The following MAP3K19 variants were observed in gnomAD, a reference collection of about 807,000 sequenced individuals.
MAP3K19 encodes the protein SPS1/STE20-related protein kinase YSK4.
MAP3K19 carries 91 observed loss-of-function variants against 114.4 expected under a neutral mutation model. The ratio of observed to expected loss-of-function variants is 0.80; its 90% CI spans 0.67 to 0.95. MAP3K19 has a LOEUF of 0.95. Among genes scored for constraint, MAP3K19 ranks in the 40% least tolerant of loss-of-function variants. The probability of loss-of-function intolerance (pLI) is 0.00; values close to 1 mark genes in which losing one functional copy is unlikely to be tolerated. For missense variants in MAP3K19, 1,471 were observed against 1,573.2 expected (o/e 0.94, Z 1.10); for synonymous variants, 518 against 530.5 (o/e 0.98, Z 0.32).
chr2:135,044,846 A>T (rs1193120453), intron 1 of MAP3K19, among the ~76,000 whole-genome samples: 1 of 152,218 alleles, frequency 6.6e-6, no homozygotes, highest in African/African-American at 2.4e-5. Flanking sequence ...GTATATCCTT[A>T]TAAGGCATGT....
intron 5 of MAP3K19, among the ~76,000 whole-genome samples, chr2:135,010,507 A>G (rs1687145274): frequency 6.6e-6 from 1 of 152,246 alleles, no homozygotes; most frequent in Non-Finnish European, 1.5e-5. Flanking sequence ...ACCATTGACA[A>G]CACCACGGGA....
At chr2:135,009,118 A>ATTTTTTTTT (rs59038927) in intron 5 of MAP3K19, among the ~76,000 whole-genome samples, 1 of 136,714 alleles carries the variant, frequency 7.3e-6, no homozygotes, top group Non-Finnish European at 1.6e-5. Flanking sequence ...TGCCTGGCTA[A>ATTTTTTTTT]TTTTTTTTTT....
At chr2:135,010,936 T>C (rs1273959640) in intron 5 of MAP3K19, among the ~76,000 whole-genome samples, 1 of 152,116 alleles carries the variant, frequency 6.6e-6, no homozygotes, top group Non-Finnish European at 1.5e-5. Flanking sequence ...CAGCCTATGA[T>C]AAAATTTTGA....
At chr2:135,012,609 A>G (rs1687306648) in intron 5 of MAP3K19, among the ~76,000 whole-genome samples, 1 of 152,132 alleles carries the variant, frequency 6.6e-6, no homozygotes. Context: ...ACCGAGAAAA[A>G]CAGTCACCGT....
At chr2:134,998,452 A>T (rs1327055131) in intron 8 of MAP3K19, among the ~76,000 whole-genome samples, 1 of 152,250 alleles carries the variant, frequency 6.6e-6, no homozygotes, top group Non-Finnish European at 1.5e-5. Flanking sequence ...AAACAATAAG[A>T]TATTCTCAAA....
intron 12 of MAP3K19, among the ~76,000 whole-genome samples, chr2:134,966,919 C>T (rs1402768896): frequency 2.0e-5 from 3 of 152,214 alleles, no homozygotes; most frequent in African/African-American, 4.8e-5. Flanking sequence ...AGCAATCAGA[C>T]TCTTACTGTG....
At chr2:134,990,322 C>T (rs1685470443) in intron 9 of MAP3K19, among the ~76,000 whole-genome samples, 1 of 152,176 alleles carries the variant, frequency 6.6e-6, no homozygotes, top group Non-Finnish European at 1.5e-5. Context: ...TCTGTGACAG[C>T]ACGACCAAGC....
intron 3 of MAP3K19, among the ~76,000 whole-genome samples, chr2:135,026,518 C>T (rs936011323): frequency 2.0e-5 from 3 of 150,166 alleles, no homozygotes; most frequent in African/African-American, 7.4e-5. Flanking sequence ...TTTTTCAAAA[C>T]AAAATTCATA....
chr2:135,016,029 T>C (rs1422484391), intron 5 of MAP3K19, among the ~76,000 whole-genome samples: 2 of 152,124 alleles, frequency 1.3e-5, no homozygotes, highest in Admixed American at 6.6e-5. Context: ...GGCAGGGACA[T>C]TGTTTGAAGC....
At chr2:134,990,051 C>G (rs1462907627) in intron 9 of MAP3K19, among the ~76,000 whole-genome samples, 1 of 151,744 alleles carries the variant, frequency 6.6e-6, no homozygotes, top group Non-Finnish European at 1.5e-5. Context: ...CAACTGCACT[C>G]CAGCCTGGGC....
At chr2:135,035,829 T>C (rs901973920) in intron 2 of MAP3K19, among the ~76,000 whole-genome samples, 1 of 152,150 alleles carries the variant, frequency 6.6e-6, no homozygotes, top group East Asian at 1.9e-4. Context: ...ACTTCAAAAA[T>C]GCAAGATTTT....
intron 8 of MAP3K19, 113 bp from the exon 9 acceptor site, chr2:134,991,693 T>A: frequency 1.2e-6 from 1 of 858,346 alleles, no homozygotes. Flanking sequence ...GGAAAAGTTG[T>A]AGAAATTGGA....
chr2:134,965,053 C>T (rs1026674117), intron 12 of MAP3K19, 137 bp from the exon 13 acceptor site: 1 of 599,212 alleles, frequency 1.7e-6, no homozygotes, highest in Non-Finnish European at 3.0e-6. Flanking sequence ...GTCCAGTCTC[C>T]AATTTTTAGC....
At chr2:134,977,516 C>T (rs1459957617) in intron 12 of MAP3K19, among the ~76,000 whole-genome samples, 1 of 151,938 alleles carries the variant, frequency 6.6e-6, no homozygotes, top group Non-Finnish European at 1.5e-5. Flanking sequence ...GTGCCTGCCA[C>T]CACACCCAGC....
intron 12 of MAP3K19, among the ~76,000 whole-genome samples, chr2:134,975,510 CA>C (rs1202907363): frequency 6.6e-6 from 1 of 152,104 alleles, no homozygotes; most frequent in African/African-American, 2.4e-5. Flanking sequence ...ACGCAGGGGT[CA>C]GCAGTAGTGG....
chr2:134,989,856 C>A (rs984218935), intron 9 of MAP3K19, among the ~76,000 whole-genome samples: 3 of 151,992 alleles, frequency 2.0e-5, no homozygotes, highest in Admixed American at 1.3e-4. Context: ...CCGAGGCAAT[C>A]GGATCACTCA....
In MAP3K19 at chr2:134,964,614, G is replaced by T; in HGVS notation, c.*236C>A. On this transcript the variant is annotated 3_prime_UTR_variant, in exon 13 of 13. Coordinates refer to ENST00000392915, the MANE Select transcript of MAP3K19 (RefSeq NM_025052.5). ...CTGGACAATCAAAACTGTAAACACT[G>T]AAATAGTTTTTTGTTGTTATTAAGA... 3.0e-6 allele frequency: 1 copy of T among 333,216 alleles called. No individual in the cohort carries two copies. The highest frequency in any genetic ancestry group is 5.5e-6 in the Non-Finnish European group (1 of 180,356). 20.6% of individuals were successfully genotyped at this position (333,216 alleles called of 1,614,324 possible). A position where few individuals can be genotyped will look rare whatever the true frequency, so the allele number is the denominator to read the frequency against.
intron 12 of MAP3K19, among the ~76,000 whole-genome samples, chr2:134,978,047 C>T (rs1465165405): frequency 1.3e-5 from 2 of 152,068 alleles, no homozygotes; most frequent in Non-Finnish European, 2.9e-5. Flanking sequence ...GGGGCAACTC[C>T]CTTCCCTTCC....
At position 134,964,609 on chromosome 2, in the gene MAP3K19, A is replaced by G; in HGVS notation, c.*241T>C. 1 of 320,088 alleles carries G rather than the reference A, an allele frequency of 3.1e-6. No homozygotes were observed. The highest frequency in any genetic ancestry group is 4.8e-5 in the Admixed American group (1 of 21,034). The allele number at this position is 320,088 out of a possible 1,614,324, so 19.8% of individuals were successfully genotyped here. On this transcript the variant is annotated 3_prime_UTR_variant, in exon 13 of 13. Coordinates refer to ENST00000392915, the MANE Select transcript of MAP3K19 (RefSeq NM_025052.5). Reference sequence around the variant, plus strand: ...AGTTCCTGGACAATCAAAACTGTAAACACTGAAATAGTTTTTTGTTGTTAT... The same window carrying G: ...AGTTCCTGGACAATCAAAACTGTAAGCACTGAAATAGTTTTTTGTTGTTAT...
Sources: allele counts gnomAD v4.1 joint callset (sites outside exome capture counted in the v4.1 genomes callset), GRCh38; gene constraint gnomAD v4.1.1; transcripts MANE v1.5; gene names NCBI Gene and HGNC (gene_info 2026-07-23, HGNC 2026-07-21).